Variants in RAPGEF1 observed in about 807,000 individuals in gnomAD.
RAPGEF1 encodes the protein Rap guanine nucleotide exchange factor 1.
RAPGEF1 carries 33 observed loss-of-function variants against 143.3 expected under a neutral mutation model. The ratio of observed to expected loss-of-function variants is 0.23; its 90% CI spans 0.17 to 0.31. The LOEUF (loss-of-function observed/expected upper bound fraction) is 0.31, where lower values mean the gene tolerates loss of function less well. Among genes scored for constraint, RAPGEF1 ranks in the 10% least tolerant of loss-of-function variants. The pLI, the probability that RAPGEF1 is intolerant of heterozygous loss-of-function variation, is 1.00. For synonymous variants in RAPGEF1, 629 were observed against 676.5 expected, an observed-to-expected ratio of 0.93 and a Z score of 1.09; for missense variants, 1,199 against 1,645.4, an observed-to-expected ratio of 0.73 and a Z score of 4.69.
intron 3 of RAPGEF1, among the ~76,000 whole-genome samples, chr9:131,648,221 C>T (rs1265348238): frequency 6.6e-6 from 1 of 152,120 alleles, no homozygotes; most frequent in Non-Finnish European, 1.5e-5. Context: ...AAAACCCCAT[C>T]TCTACTAAAA....
At chr9:131,668,460 T>C (rs990978978) in intron 1 of RAPGEF1, among the ~76,000 whole-genome samples, 1 of 152,184 alleles carries the variant, frequency 6.6e-6, no homozygotes, top group Admixed American at 6.5e-5. Flanking sequence ...CATGCTAACA[T>C]CAGAGGGGAG....
rs536587806 is a variant in RAPGEF1 at position 131,739,397 on chromosome 9, G to A, written c.61+373C>T. 2.6e-5 allele frequency among the ~76,000 whole-genome samples: 4 copies of A among 152,310 alleles called. No homozygotes were observed. In the East Asian group the frequency reaches 7.7e-4, roughly 29 times the overall value. The stretch of plus-strand genomic sequence containing the variant: ...CAGCTGGGTTCACCCTCCTAGCGCC[G>A]AGCCCAGGCCGGGCACCGATCGCTG... On this transcript the variant is annotated intron_variant, in intron 1 of 26. Coordinates refer to ENST00000683357, the MANE Select transcript of RAPGEF1 (RefSeq NM_001377935.1).
At chr9:131,672,853 A>G (rs1389350727) in intron 1 of RAPGEF1, among the ~76,000 whole-genome samples, 1 of 152,110 alleles carries the variant, frequency 6.6e-6, no homozygotes, top group Admixed American at 6.5e-5. Flanking sequence ...AATTCCAACT[A>G]AGCAGTCACC....
chr9:131,594,937 C>T (rs989779897), intron 17 of RAPGEF1, among the ~76,000 whole-genome samples: 7 of 152,230 alleles, frequency 4.6e-5, no homozygotes, highest in Non-Finnish European at 8.8e-5. Context: ...AAAGTCGCTC[C>T]CATGCCTGGC....
At chr9:131,724,107 G>A (rs72759885) in intron 1 of RAPGEF1, among the ~76,000 whole-genome samples, 5 of 152,318 alleles carry the variant, frequency 3.3e-5, no homozygotes, top group African/African-American at 4.8e-5. Context: ...TACTACTGCC[G>A]AGAGAAGACA....
chr9:131,693,005 C>T (rs1833892162), intron 1 of RAPGEF1, among the ~76,000 whole-genome samples: 1 of 152,164 alleles, frequency 6.6e-6, no homozygotes. Context: ...GGCTAAGGGG[C>T]ATACTCCAAA....
chr9:131,710,082 G>T, intron 1 of RAPGEF1: 1 of 426,632 alleles, frequency 2.3e-6, no homozygotes, highest in Non-Finnish European at 3.1e-6. Flanking sequence ...GGGGAATCAG[G>T]TGATCAAAAT....
intron 5 of RAPGEF1, among the ~76,000 whole-genome samples, chr9:131,636,485 T>C (rs940937960): frequency 1.3e-5 from 2 of 152,206 alleles, no homozygotes; most frequent in Non-Finnish European, 2.9e-5. Flanking sequence ...CAGACATGCC[T>C]TTCTACTAAT....
rs140621371 is a variant in RAPGEF1 at position 131,639,685 on chromosome 9, T to C, written c.495-894A>G. 4.6e-5 allele frequency among the ~76,000 whole-genome samples: 7 copies of C among 152,092 alleles called. No homozygotes were observed. In the East Asian group the frequency reaches 9.7e-4, roughly 21 times the overall value. On this transcript the variant is annotated intron_variant, in intron 4 of 26. Coordinates refer to ENST00000683357, the MANE Select transcript of RAPGEF1 (RefSeq NM_001377935.1). ...AGAGGAAGAGCAACAATATAGAAAA[T>C]TTATGTGCTGCAACCTCCTCTACTC...
At chr9:131,674,548 T>C (rs1421307220) in intron 1 of RAPGEF1, among the ~76,000 whole-genome samples, 3 of 152,146 alleles carry the variant, frequency 2.0e-5, no homozygotes, top group African/African-American at 7.2e-5. Context: ...GTCTCCACAC[T>C]TGGCTCAGGA....
intron 1 of RAPGEF1, among the ~76,000 whole-genome samples, chr9:131,683,174 A>C (rs759532258): frequency 6.6e-6 from 1 of 152,232 alleles, no homozygotes; most frequent in African/African-American, 2.4e-5. Flanking sequence ...CTTCAAGTGG[A>C]AAAACAAAGT....
At chr9:131,730,235 C>T (rs997125282) in intron 1 of RAPGEF1, among the ~76,000 whole-genome samples, 6 of 149,942 alleles carry the variant, frequency 4.0e-5, no homozygotes, top group Non-Finnish European at 8.9e-5. Context: ...TTAACAAAGC[C>T]CAAAACAACA....
intron 1 of RAPGEF1, among the ~76,000 whole-genome samples, chr9:131,665,355 C>T (rs908402914): frequency 2.0e-5 from 3 of 152,154 alleles, no homozygotes; most frequent in Admixed American, 6.6e-5. Flanking sequence ...GGCAATCCTT[C>T]GGCAAATCCT....
At chr9:131,625,869 G>T in intron 10 of RAPGEF1, 53 bp downstream of exon 10, 1 of 1,500,854 alleles carries the variant, frequency 6.7e-7, no homozygotes, top group Non-Finnish European at 8.9e-7. Context: ...AAAACATACT[G>T]CCATTTCAGG....
At chr9:131,671,208 C>T (rs527766171) in intron 1 of RAPGEF1, among the ~76,000 whole-genome samples, 2 of 152,344 alleles carry the variant, frequency 1.3e-5, no homozygotes, top group East Asian at 3.9e-4. Flanking sequence ...TCTCCCTCAG[C>T]AGCTGTATCC....
rs369751075 is a variant in RAPGEF1 at position 131,626,353 on chromosome 9, G to A, written c.1271C>T (p.Thr424Met). 232 of 1,613,956 alleles carry A rather than the reference G, an allele frequency of 1.4e-4. No individual in the cohort carries two copies. The highest frequency in any genetic ancestry group is 1.7e-4 in the Non-Finnish European group (203 of 1,179,838). Residue 424 changes from threonine to methionine, a missense_variant, in exon 10 of 27, where the codon ACG (threonine) becomes ATG (methionine). Coordinates refer to ENST00000683357, the MANE Select transcript of RAPGEF1 (RefSeq NM_001377935.1). ...TGGCAACGGGCTAAGGTTCCAGGCCGTCTGCTGAGGTATCTGGTCTGCGTT... is the reference window on the plus strand; with the variant it reads ...TGGCAACGGGCTAAGGTTCCAGGCCATCTGCTGAGGTATCTGGTCTGCGTT... ...LSNADQIPQQ[T>M]AWNLSPLPES... is the part of the protein sequence containing the mutation.
chr9:131,651,611 T>C (rs1971093741), intron 1 of RAPGEF1, among the ~76,000 whole-genome samples: 1 of 152,158 alleles, frequency 6.6e-6, no homozygotes, highest in Non-Finnish European at 1.5e-5. Context: ...TTTTCTTAGA[T>C]ACAAAACCAA....
chr9:131,626,045 T>C lies in RAPGEF1; in HGVS notation c.1579A>G (p.Ile527Val), dbSNP rs1370496429. The change falls in exon 10 of 27, where the codon ATT becomes GTT. Residue 527 changes from isoleucine (I) to valine (V), a missense_variant. Transcript: ENST00000683357. ...PSVPYAPFAA[I>V]LPFQHGGSSA... Reference sequence around the variant, plus strand: ...GAACCTCCATGCTGAAAGGGCAGAATAGCAGCAAAGGGCGCGTAGGGGACG... The same window carrying C: ...GAACCTCCATGCTGAAAGGGCAGAACAGCAGCAAAGGGCGCGTAGGGGACG... The C allele has an allele frequency of 6.2e-7, 1 of 1,613,478 alleles. No homozygotes were observed. The highest frequency in any genetic ancestry group is 1.7e-4 in the Middle Eastern group (1 of 6,060).
Position 131,586,443 on chromosome 9 carries a change from AAC to A in RAPGEF1, c.3233+1291_3233+1292del, listed in dbSNP as rs370557537. 5.2e-3 allele frequency among the ~76,000 whole-genome samples: 78 copies of A among 15,128 alleles called. 3 individuals are homozygous for A. The highest frequency in any genetic ancestry group is 6.5e-3 in the Non-Finnish European group (52 of 8,050). 9.9% of individuals were successfully genotyped at this position (15,128 alleles called of 152,430 possible). Reference sequence around the variant, plus strand: ...ACCTGCAGAGCGAGACTCCGTCTCAAACACACACACACACACACACCTGCAGA... The same window carrying A: ...ACCTGCAGAGCGAGACTCCGTCTCAAACACACACACACACACACCTGCAGA... On this transcript the variant is annotated intron_variant, in intron 22 of 26. Coordinates refer to ENST00000683357, the MANE Select transcript of RAPGEF1 (RefSeq NM_001377935.1).
Sources: gnomAD v4.1 joint callset for allele counts (sites outside exome capture counted in the v4.1 genomes callset) on GRCh38, gnomAD v4.1.1 for gene constraint, MANE v1.5 for transcripts, NCBI Gene and HGNC (gene_info 2026-07-23, HGNC 2026-07-21) for gene names.